C6orf136: variants seen among roughly 807,000 people sequenced by gnomAD.
The protein encoded by C6orf136 is uncharacterized protein C6orf136.
In C6orf136, 29 loss-of-function variants were observed where a neutral mutation model predicts 44.0. That is an observed-to-expected ratio of 0.66 (90% CI 0.49 to 0.90). C6orf136 has a LOEUF of 0.90. Ranked by LOEUF, C6orf136 falls within the 40% of genes least tolerant of loss-of-function variation. The pLI, the probability that C6orf136 is intolerant of heterozygous loss-of-function variation, is 0.00. For missense variants in C6orf136, 628 were observed against 669.3 expected (o/e 0.94, Z 0.68); for synonymous variants, 293 against 278.6 (o/e 1.05, Z -0.52).
In C6orf136 at chr6:30,653,012, C is replaced by T; in HGVS notation, c.*97C>T. ...ATCTCAGGAGCCAGCTTCCTCTCCT[C>T]GTTTCTCTCCTTCCTTCCTTTCCAT... On this transcript the variant is annotated 3_prime_UTR_variant, in exon 6 of 6. Transcript: ENST00000651131. The T allele has an allele frequency of 4.2e-6, 5 of 1,204,282 alleles. No individual in the cohort carries two copies. The highest frequency in any genetic ancestry group is 2.5e-5 in the East Asian group (1 of 40,794). 74.6% of individuals were successfully genotyped at this position (1,204,282 alleles called of 1,614,324 possible).
Position 30,647,892 on chromosome 6 carries a change from T to A in C6orf136, c.615+46T>A, listed in dbSNP as rs1767019823. On this transcript the variant is annotated intron_variant, in intron 1 of 5. Coordinates refer to ENST00000651131, the MANE Select transcript of C6orf136 (RefSeq NM_001161376.2). This position sits in a 1 kb window ranked among gnomAD's most constrained non-coding sequence, Gnocchi z 4.8. ...CCTTCCCTGCAGTGAGACGATCCCC[T>A]GGGGGGTTCCTTGGGAGCGGAGGGA... is the stretch of plus-strand genomic sequence containing the variant. The A allele has an allele frequency of 2.8e-6, 4 of 1,431,926 alleles. No homozygotes were observed. In the East Asian group the frequency reaches 1.0e-4, roughly 37 times the overall value. 88.7% of individuals were successfully genotyped at this position (1,431,926 alleles called of 1,614,324 possible).
chr6:30,647,240 G>A lies in C6orf136; in HGVS notation c.9G>A (p.Gln3=). 1 of 1,593,948 alleles carries A rather than the reference G, an allele frequency of 6.3e-7. No individual in the cohort carries two copies. The highest frequency in any genetic ancestry group is 1.1e-5 in the South Asian group (1 of 89,922). The change falls in exon 1 of 6, where the codon CAG becomes CAA. Residue 3 remains glutamine (Q), a synonymous_variant. Coordinates refer to ENST00000651131, the MANE Select transcript of C6orf136 (RefSeq NM_001161376.2). The surrounding 1 kb of genome is among the most constrained non-coding windows in gnomAD (Gnocchi z 4.8). The part of the protein sequence containing the change: MY[Q]PSRGAARRLG... Reference sequence around the variant, plus strand: ...TCCACTCCCGGAAGATCATGTACCAGCCCAGCCGGGGTGCGGCCCGGCGTC... The same window carrying A: ...TCCACTCCCGGAAGATCATGTACCAACCCAGCCGGGGTGCGGCCCGGCGTC...
intron 3 of C6orf136, 43 bp from the exon 4 acceptor site, chr6:30,651,223 A>G: frequency 6.2e-7 from 1 of 1,609,778 alleles, no homozygotes; most frequent in Non-Finnish European, 8.5e-7. Context: ...TTGGTTTTCT[A>G]ATTCTGCCAT....
Position 30,647,792 on chromosome 6 carries a change from A to G in C6orf136, c.561A>G (p.Gln187=), listed in dbSNP as rs761504261. Reference sequence around the variant, plus strand: ...TCGGGCCCCTGCGCCCGGGCTGGCAAGATGGCCACGCCCCCAGCAGAGACG... The same window carrying G: ...TCGGGCCCCTGCGCCCGGGCTGGCAGGATGGCCACGCCCCCAGCAGAGACG... ...TRFGPLRPGW[Q]DGHAPSRDGA... Residue 187 remains glutamine, a synonymous_variant, in exon 1 of 6, where the codon CAA becomes CAG. Coordinates refer to ENST00000651131, the MANE Select transcript of C6orf136 (RefSeq NM_001161376.2). This position sits in a 1 kb window ranked among gnomAD's most constrained non-coding sequence, Gnocchi z 4.8. 12 of 1,540,976 alleles carry G rather than the reference A, an allele frequency of 7.8e-6. No homozygotes were observed. The highest frequency in any genetic ancestry group is 8.7e-6 in the Non-Finnish European group (10 of 1,144,560).
rs1221149361 is a variant in C6orf136 at position 30,647,745 on chromosome 6, G to A, written c.514G>A (p.Gly172Ser). Residue 172 changes from glycine (G) to serine (S), a missense_variant, in exon 1 of 6, where the codon GGC becomes AGC. Around this residue, in one of 2 missense-constraint regions of C6orf136, gnomAD observed 497 missense variants for 469.2 expected, o/e 1.06. Coordinates refer to ENST00000651131, the MANE Select transcript of C6orf136 (RefSeq NM_001161376.2). The surrounding 1 kb of genome is among the most constrained non-coding windows in gnomAD (Gnocchi z 4.8). ...LALGERSWQEGRPVCTRFGPL... is the reference protein window; with the variant it reads ...LALGERSWQESRPVCTRFGPL... ...ACTCGGAGAGCGGTCCTGGCAGGAA[G>A]GCCGGCCAGTGTGCACCCGGTTCGG... The A allele has an allele frequency of 6.5e-7, 1 of 1,549,084 alleles. No individual in the cohort carries two copies. The highest frequency in any genetic ancestry group is 8.7e-7 in the Non-Finnish European group (1 of 1,146,656).
At chr6:30,651,142 G>T in intron 3 of C6orf136, 60 bp downstream of exon 3, 1 of 1,560,654 alleles carries the variant, frequency 6.4e-7, no homozygotes, top group Non-Finnish European at 8.8e-7. Context: ...GTATATACAT[G>T]ACCCTTTTCA....
chr6:30,649,504 G>A (rs1256483565), intron 1 of C6orf136, 54 bp from the exon 2 acceptor site: 42 of 1,506,518 alleles, frequency 2.8e-5, no homozygotes, highest in Middle Eastern at 3.5e-4. Context: ...AGGGGATCAA[G>A]GGGTGTTAGA....
In C6orf136 at chr6:30,647,456, A is replaced by G; in HGVS notation, c.225A>G (p.Leu75=). 1 of 1,483,762 alleles carries G rather than the reference A, an allele frequency of 6.7e-7. No individual in the cohort carries two copies. Among genetic ancestry groups the G allele is most frequent in the Non-Finnish European group, 9.0e-7 (1 of 1,111,516 alleles). The allele number at this position is 1,483,762 out of a possible 1,614,324, so 91.9% of individuals were successfully genotyped here. ...PTCALQRVDR[L]GVAGAGGRRC... ...GTGCCCTGCAGCGCGTGGACAGGCT[A>G]GGGGTCGCGGGAGCGGGAGGGAGGC... Residue 75 remains leucine (L), a synonymous_variant, in exon 1 of 6, where the codon CTA becomes CTG. Transcript: ENST00000651131. This position sits in a 1 kb window ranked among gnomAD's most constrained non-coding sequence, Gnocchi z 4.8.
At chr6:30,650,033 C>A in intron 2 of C6orf136, 74 bp downstream of exon 2, 2 of 1,315,198 alleles carry the variant, frequency 1.5e-6, no homozygotes, top group Non-Finnish European at 2.1e-6. Context: ...CAGGGATAGT[C>A]AACTGGATTC....
chr6:30,647,451 A>T lies in C6orf136; in HGVS notation c.220A>T (p.Arg74Trp). The change falls in exon 1 of 6, where the codon AGG becomes TGG. Residue 74 changes from arginine (R) to tryptophan (W), a missense_variant. By Grantham distance (101) the Arg-to-Trp change is moderately radical (BLOSUM62 -3). This residue lies in a region of C6orf136 where 497 missense variants were observed against 469.2 expected (regional missense o/e 1.06). Transcript: ENST00000651131. This position sits in a 1 kb window ranked among gnomAD's most constrained non-coding sequence, Gnocchi z 4.8. The stretch of plus-strand genomic sequence containing the variant: ...CACCTGTGCCCTGCAGCGCGTGGAC[A>T]GGCTAGGGGTCGCGGGAGCGGGAGG... Reference protein sequence around the residue: ...LPTCALQRVDRLGVAGAGGRR... With the variant: ...LPTCALQRVDWLGVAGAGGRR... 6.8e-7 allele frequency: 1 copy of T among 1,467,206 alleles called. No individual in the cohort carries two copies. The highest frequency in any genetic ancestry group is 1.4e-5 in the South Asian group (1 of 72,744). 90.9% of individuals were successfully genotyped at this position (1,467,206 alleles called of 1,614,324 possible). A position where few individuals can be genotyped will look rare whatever the true frequency, so the allele number is the denominator to read the frequency against.
At chr6:30,648,783 G>T (rs1166148689) in intron 1 of C6orf136, among the ~76,000 whole-genome samples, 12 of 148,208 alleles carry the variant, frequency 8.1e-5, no homozygotes, top group Non-Finnish European at 1.3e-4. Flanking sequence ...GAGGTGGGCG[G>T]ATTACCTGAG....
chr6:30,649,918 G>A lies in C6orf136; in HGVS notation c.976G>A (p.Glu326Lys). ...CACCCCGTCAGGAGATCCTAGTATG[G>A]AGGAACATCTGTCTGTCATGTATGA... ...PATPSGDPSM[E>K]EHLSVMYERL... The change falls in exon 2 of 6, where the codon GAG becomes AAG. Residue 326 changes from glutamate (E) to lysine (K), a missense_variant. Physicochemically the swap from Glu to Lys is moderately conservative, Grantham distance 56 (BLOSUM62 1). Around this residue, in one of 2 missense-constraint regions of C6orf136, gnomAD observed 497 missense variants for 469.2 expected, o/e 1.06. Transcript: ENST00000651131. 6.2e-7 allele frequency: 1 copy of A among 1,613,946 alleles called. No individual in the cohort carries two copies. Among genetic ancestry groups the A allele is most frequent in the Non-Finnish European group, 8.5e-7 (1 of 1,179,980 alleles).
chr6:30,647,263 G>A lies in C6orf136; in HGVS notation c.32G>A (p.Arg11His), dbSNP rs1453998235. Residue 11 changes from arginine (R) to histidine (H), a missense_variant, in exon 1 of 6, where the codon CGT (arginine) becomes CAT (histidine). Physicochemically the swap from Arg to His is conservative, Grantham distance 29. Around this residue, in one of 2 missense-constraint regions of C6orf136, gnomAD observed 497 missense variants for 469.2 expected, o/e 1.06. Transcript: ENST00000651131. The surrounding 1 kb of genome is among the most constrained non-coding windows in gnomAD (Gnocchi z 4.8). ...CAGCCCAGCCGGGGTGCGGCCCGGCGTCTCGGCCCTTGCCTGCGCGCCTAC... is the reference window on the plus strand; with the variant it reads ...CAGCCCAGCCGGGGTGCGGCCCGGCATCTCGGCCCTTGCCTGCGCGCCTAC... MYQPSRGAAR[R>H]LGPCLRAYQA... 1.3e-6 allele frequency: 2 copies of A among 1,598,666 alleles called. No individual in the cohort carries two copies. The highest frequency in any genetic ancestry group is 1.7e-6 in the Non-Finnish European group (2 of 1,175,056).
At chr6:30,652,531 T>G (rs1434021919) in intron 4 of C6orf136, 117 bp from the exon 5 acceptor site, 1 of 877,076 alleles carries the variant, frequency 1.1e-6, no homozygotes, top group Non-Finnish European at 2.0e-6. Context: ...TGTTTGTAAG[T>G]TGCCCAGGTG....
Position 30,647,948 on chromosome 6 carries a change from C to G in C6orf136, c.615+102C>G, listed in dbSNP as rs143403912. The G allele has an allele frequency of 2.1e-6, 3 of 1,403,016 alleles. No individual in the cohort carries two copies. Among genetic ancestry groups the G allele is most frequent in the Non-Finnish European group, 2.8e-6 (3 of 1,079,588 alleles). The allele number at this position is 1,403,016 out of a possible 1,614,324, so 86.9% of individuals were successfully genotyped here. ...GTGAGGCCTAACTTTGGGTGACCTC[C>G]CCTTGCAGTTTCAACGTCGGTAAAC... On this transcript the variant is annotated intron_variant, in intron 1 of 5. Transcript: ENST00000651131. This position sits in a 1 kb window ranked among gnomAD's most constrained non-coding sequence, Gnocchi z 4.8.
At position 30,647,303 on chromosome 6, in the gene C6orf136, G is replaced by A. The variant is rs761770831; in HGVS notation, c.72G>A (p.Gln24=). 4 of 1,597,768 alleles carry A rather than the reference G, an allele frequency of 2.5e-6. No homozygotes were observed. In the South Asian group the frequency reaches 4.4e-5, roughly 18 times the overall value. The part of the protein sequence containing the change: ...PCLRAYQARP[Q]VSGGEEGGRR... Reference sequence around the variant, plus strand: ...TGCGCGCCTACCAGGCTCGACCCCAGGTGAGCGGAGGAGAAGAGGGAGGGA... The same window carrying A: ...TGCGCGCCTACCAGGCTCGACCCCAAGTGAGCGGAGGAGAAGAGGGAGGGA... Residue 24 remains glutamine, a synonymous_variant, in exon 1 of 6, where the codon CAG becomes CAA. Transcript: ENST00000651131. This position sits in a 1 kb window ranked among gnomAD's most constrained non-coding sequence, Gnocchi z 4.8.
intron 2 of C6orf136, among the ~76,000 whole-genome samples, chr6:30,650,668 A>G (rs1184718866): frequency 6.6e-6 from 1 of 152,122 alleles, no homozygotes; most frequent in African/African-American, 2.4e-5. Context: ...CTGTAATCCC[A>G]GCTACTCGGG....
intron 4 of C6orf136, 96 bp downstream of exon 4, chr6:30,651,562 A>G (rs569083491): frequency 1.6e-6 from 2 of 1,247,662 alleles, no homozygotes; most frequent in Non-Finnish European, 2.3e-6. Flanking sequence ...GATGGAGTGC[A>G]GTGGCGTGAT....
intron 3 of C6orf136, 92 bp downstream of exon 3, chr6:30,651,174 C>T (rs1005435842): frequency 5.8e-6 from 9 of 1,562,948 alleles, no homozygotes; most frequent in Non-Finnish European, 7.9e-6. Flanking sequence ...AGTTCCTAGA[C>T]TGCTTCTCAC....
Sources: gnomAD v4.1 joint callset for allele counts (sites outside exome capture counted in the v4.1 genomes callset) on GRCh38, gnomAD v4.1.1 for gene constraint, gnomAD v4.1.1 regional missense constraint, Gnocchi (gnomAD v3.1) non-coding constraint, MANE v1.5 for transcripts, NCBI Gene and HGNC (gene_info 2026-07-23, HGNC 2026-07-21) for gene names.